Variants in PIK3C2G observed in about 807,000 individuals in gnomAD.
The protein encoded by PIK3C2G is phosphatidylinositol-4-phosphate 3-kinase catalytic subunit type 2 gamma, also known as phosphatidylinositol 3-kinase C2 domain-containing subunit gamma.
Under a neutral mutation model 181.1 loss-of-function variants are expected in PIK3C2G, and 168 were observed. That is an observed-to-expected ratio of 0.93 (90% confidence interval 0.82 to 1.05). The LOEUF is 1.05. PIK3C2G is among the 50% of genes least tolerant of loss of function. The probability of loss-of-function intolerance (pLI) is 0.00; values close to 1 mark genes in which losing one functional copy is unlikely to be tolerated. For missense variants in PIK3C2G, 1,869 were observed against 1,732.8 expected (o/e 1.08, Z -1.40); for synonymous variants, 573 against 592.2 (o/e 0.97, Z 0.47).
chr12:18,243,451 T>C (rs1314591399), upstream of PIK3C2G, among the ~76,000 whole-genome samples: 1 of 152,190 alleles, frequency 6.6e-6, no homozygotes, highest in Non-Finnish European at 1.5e-5. Flanking sequence ...TAAAGGTCAG[T>C]ATGTGACTTC....
chr12:18,343,435 A>AT (rs1048577918), intron 10 of PIK3C2G, 75 bp downstream of exon 10: 73 of 739,432 alleles, frequency 9.9e-5, no homozygotes, highest in Non-Finnish European at 1.4e-4. Flanking sequence ...ACTTTTTTCA[A>AT]TTTTTTTATG....
At chr12:18,606,847 T>C (rs971645022) in intron 30 of PIK3C2G, among the ~76,000 whole-genome samples, 3 of 152,246 alleles carry the variant, frequency 2.0e-5, no homozygotes, top group South Asian at 2.1e-4. Context: ...CTATAAATTA[T>C]GTTTAATCCT....
At chr12:18,658,627 T>A in the PIK3C2G span, among the ~76,000 whole-genome samples, 1 of 152,140 alleles carries the variant, frequency 6.6e-6, no homozygotes, top group Non-Finnish European at 1.5e-5. Flanking sequence ...AAAATCAATA[T>A]TTTAATAAAT....
At chr12:18,400,284 C>A (rs542500869) in intron 16 of PIK3C2G, among the ~76,000 whole-genome samples, 1 of 152,128 alleles carries the variant, frequency 6.6e-6, no homozygotes, top group African/African-American at 2.4e-5. Context: ...AGAAAAAAAT[C>A]TATTCCTTGC....
the PIK3C2G span, among the ~76,000 whole-genome samples, chr12:18,675,990 A>C: frequency 6.6e-6 from 1 of 150,904 alleles, no homozygotes. Flanking sequence ...AAGCCTGAAC[A>C]TATACCTTCT....
upstream of PIK3C2G, chr12:18,247,575 T>G (rs533322218): frequency 3.3e-5 from 5 of 152,374 alleles, no homozygotes; most frequent in Non-Finnish European, 7.3e-5. Flanking sequence ...CTGATTTACA[T>G]AGGGCTCACA....
At chr12:18,651,460 C>A (rs958209988), downstream of PIK3C2G, among the ~76,000 whole-genome samples, 2 of 152,108 alleles carry the variant, frequency 1.3e-5, no homozygotes, top group Non-Finnish European at 2.9e-5. Context: ...ATTATTTATG[C>A]TTTGTCTCCC....
intron 16 of PIK3C2G, among the ~76,000 whole-genome samples, chr12:18,411,826 A>G (rs2135633958): frequency 6.6e-6 from 1 of 152,286 alleles, no homozygotes; most frequent in South Asian, 2.1e-4. Context: ...CTTTTTTAAA[A>G]GGTTGACATT....
At chr12:18,450,909 G>A (rs1043136392) in intron 18 of PIK3C2G, among the ~76,000 whole-genome samples, 2 of 152,092 alleles carry the variant, frequency 1.3e-5, no homozygotes, top group Non-Finnish European at 2.9e-5. Flanking sequence ...TTATTTCTGA[G>A]GCCACTGTTC....
intron 1 of PIK3C2G, among the ~76,000 whole-genome samples, chr12:18,269,934 G>C (rs1384562696): frequency 8.6e-5 from 11 of 128,184 alleles, no homozygotes; most frequent in African/African-American, 2.5e-4. Flanking sequence ...TTTTGAGATG[G>C]CATCTCTCTC....
chr12:18,283,233 C>A lies in PIK3C2G; in HGVS notation c.678+474C>A, dbSNP rs1207514497. ...TCTCCTAATTTATACGATTGGCAGG[C>A]AACTTCTATTGAGATCATTCCAAGG... is the stretch of plus-strand genomic sequence containing the variant. On this transcript the variant is annotated intron_variant, in intron 2 of 32. Coordinates refer to ENST00000538779, the MANE Select transcript of PIK3C2G (RefSeq NM_001288772.2). Among the ~76,000 whole-genome samples the A allele has an allele frequency of 2.0e-5, 3 of 152,032 alleles. No homozygotes were observed. In the East Asian group the frequency reaches 5.8e-4, roughly 29 times the overall value.
chr12:18,674,297 A>T, the PIK3C2G span, among the ~76,000 whole-genome samples: 4 of 152,178 alleles, frequency 2.6e-5, no homozygotes, highest in African/African-American at 9.7e-5. Context: ...TCATTTCCTG[A>T]ATTTACTCTC....
chr12:18,678,398 C>T, the PIK3C2G span, among the ~76,000 whole-genome samples: 1 of 151,964 alleles, frequency 6.6e-6, no homozygotes, highest in Non-Finnish European at 1.5e-5. Flanking sequence ...TTGAAGTATA[C>T]AATTTGATTC....
At chr12:18,510,734 A>G (rs1942152871) in intron 24 of PIK3C2G, among the ~76,000 whole-genome samples, 1 of 152,054 alleles carries the variant, frequency 6.6e-6, no homozygotes, top group Admixed American at 6.6e-5. Flanking sequence ...GTTATTATTT[A>G]TGTTATTTAT....
intron 12 of PIK3C2G, among the ~76,000 whole-genome samples, chr12:18,363,306 ACAAT>A: frequency 6.6e-6 from 1 of 152,278 alleles, no homozygotes; most frequent in Middle Eastern, 3.4e-3. Flanking sequence ...ATTTATTTAA[ACAAT>A]CAAGTTTTTT....
chr12:18,383,091 G>T (rs1942946213), intron 14 of PIK3C2G, among the ~76,000 whole-genome samples: 1 of 151,964 alleles, frequency 6.6e-6, no homozygotes, highest in South Asian at 2.1e-4. Flanking sequence ...TGTTTTAAAA[G>T]AACAAAAAGA....
chr12:18,460,623 C>CATATATATATATATAT lies in PIK3C2G; in HGVS notation c.2505-27816_2505-27801dup, dbSNP rs144060852. On this transcript the variant is annotated intron_variant, in intron 18 of 32. Transcript: ENST00000538779. The stretch of plus-strand genomic sequence containing the variant: ...TAAATAAAAAGATTGACATCATATT[C>CATATATATATATATAT]ATATATATATATATATATATATATA... 2.7e-3 allele frequency among the ~76,000 whole-genome samples: 367 copies of CATATATATATATATAT among 136,036 alleles called. 5 individuals are homozygous for CATATATATATATATAT. The highest frequency in any genetic ancestry group is 8.9e-3 in the African/African-American group (323 of 36,420). 89.2% of individuals were successfully genotyped at this position (136,036 alleles called of 152,430 possible).
At chr12:18,300,096 A>G (rs1950112446) in intron 5 of PIK3C2G, among the ~76,000 whole-genome samples, 1 of 151,908 alleles carries the variant, frequency 6.6e-6, no homozygotes, top group South Asian at 2.1e-4. Flanking sequence ...GACTAGTTTG[A>G]AAATAATTTG....
intron 25 of PIK3C2G, among the ~76,000 whole-genome samples, chr12:18,541,218 T>G (rs1470952690): frequency 6.6e-6 from 1 of 151,948 alleles, no homozygotes; most frequent in Non-Finnish European, 1.5e-5. Context: ...CACAGACATT[T>G]GGTGGGTCCA....
Sources: gnomAD v4.1 joint callset for allele counts (sites outside exome capture counted in the v4.1 genomes callset) on GRCh38, gnomAD v4.1.1 for gene constraint, MANE v1.5 for transcripts, NCBI Gene and HGNC (gene_info 2026-07-23, HGNC 2026-07-21) for gene names.